Variants in KCNT2 observed in about 807,000 individuals in gnomAD.
KCNT2 encodes the protein potassium channel subfamily T member 2.
A neutral mutation model predicts 153.8 loss-of-function variants in KCNT2; 67 were observed. The observed-to-expected ratio is 0.44, with a 90% CI of 0.36 to 0.53. The LOEUF is 0.53. KCNT2 is among the 20% of genes least tolerant of loss of function. The probability of loss-of-function intolerance (pLI) is 0.00; values close to 1 mark genes in which losing one functional copy is unlikely to be tolerated. For missense variants in KCNT2, 975 were observed against 1,354.8 expected (o/e 0.72, Z 4.40); for synonymous variants, 500 against 458.8 (o/e 1.09, Z -1.15).
intron 1 of KCNT2, among the ~76,000 whole-genome samples, chr1:196,516,957 C>T (rs942614554): frequency 1.3e-5 from 2 of 152,174 alleles, no homozygotes; most frequent in African/African-American, 4.8e-5. Context: ...TGGGTGGGTC[C>T]TCCCAGCCTG....
At chr1:196,249,121 A>C (rs951582210) in intron 26 of KCNT2, among the ~76,000 whole-genome samples, 1 of 151,988 alleles carries the variant, frequency 6.6e-6, no homozygotes, top group Non-Finnish European at 1.5e-5. Context: ...TTAAAAAAAA[A>C]CTAAAAAAAT....
At chr1:196,520,640 G>A (rs1238865071) in intron 1 of KCNT2, among the ~76,000 whole-genome samples, 2 of 151,946 alleles carry the variant, frequency 1.3e-5, no homozygotes, top group Non-Finnish European at 2.9e-5. Context: ...CAGAAATAAT[G>A]GTGAACACCT....
intron 21 of KCNT2, among the ~76,000 whole-genome samples, chr1:196,307,125 T>C (rs1040137469): frequency 2.6e-5 from 4 of 152,120 alleles, no homozygotes; most frequent in African/African-American, 9.7e-5. Flanking sequence ...TCAATAGTTC[T>C]GTGACCTTAA....
At chr1:196,585,360 T>C (rs1355710366) in intron 1 of KCNT2, among the ~76,000 whole-genome samples, 1 of 152,122 alleles carries the variant, frequency 6.6e-6, no homozygotes, top group Non-Finnish European at 1.5e-5. Flanking sequence ...TAACTGGTAG[T>C]GAGTAAATAA....
intron 1 of KCNT2, among the ~76,000 whole-genome samples, chr1:196,511,917 G>A (rs535840153): frequency 1.3e-5 from 2 of 152,222 alleles, no homozygotes; most frequent in South Asian, 4.1e-4. Context: ...GTCAGCGGGT[G>A]GAGAGAGACA....
intron 23 of KCNT2, among the ~76,000 whole-genome samples, chr1:196,284,305 G>A (rs1659445775): frequency 9.5e-6 from 1 of 105,160 alleles, no homozygotes; most frequent in East Asian, 3.2e-4. Context: ...TTCTTCCGAA[G>A]TTTCAGAAAA....
intron 9 of KCNT2, among the ~76,000 whole-genome samples, chr1:196,428,488 A>G (rs542423359): frequency 2.1e-3 from 320 of 152,218 alleles, no homozygotes; most frequent in South Asian, 3.5e-3. Flanking sequence ...AAACATATTA[A>G]CATGATTTTG....
chr1:196,446,825 T>A (rs1197135314), intron 8 of KCNT2, among the ~76,000 whole-genome samples: 1 of 151,560 alleles, frequency 6.6e-6, no homozygotes, highest in Non-Finnish European at 1.5e-5. Context: ...CTATACTGTC[T>A]TTCCTAAGTG....
intron 13 of KCNT2, among the ~76,000 whole-genome samples, chr1:196,380,954 G>C (rs1054737171): frequency 2.0e-5 from 3 of 152,100 alleles, no homozygotes; most frequent in African/African-American, 7.2e-5. Flanking sequence ...AGATTGTGAG[G>C]CATTCAACCA....
At chr1:196,463,947 T>C (rs762421205) in intron 8 of KCNT2, among the ~76,000 whole-genome samples, 1 of 151,878 alleles carries the variant, frequency 6.6e-6, no homozygotes, top group Non-Finnish European at 1.5e-5. Context: ...CACTAACATC[T>C]CAATTATCCT....
chr1:196,240,435 G>T (rs1654846562), intron 26 of KCNT2, among the ~76,000 whole-genome samples: 1 of 151,860 alleles, frequency 6.6e-6, no homozygotes, highest in African/African-American at 2.4e-5. Flanking sequence ...TTGATTTATA[G>T]TTCTTGTACT....
chr1:196,381,723 G>A (rs1288820952), intron 13 of KCNT2, among the ~76,000 whole-genome samples: 1 of 152,108 alleles, frequency 6.6e-6, no homozygotes, highest in Non-Finnish European at 1.5e-5. Context: ...GCTACCAGAT[G>A]AACAAATGGC....
intron 1 of KCNT2, among the ~76,000 whole-genome samples, chr1:196,559,506 G>A (rs1231253176): frequency 6.6e-6 from 1 of 151,694 alleles, no homozygotes; most frequent in African/African-American, 2.4e-5. Flanking sequence ...TGGTCAAAGA[G>A]TAGAACATTT....
intron 13 of KCNT2, among the ~76,000 whole-genome samples, chr1:196,384,591 T>C (rs2994256): frequency 0.023 from 3,504 of 151,414 alleles, 54 homozygotes; most frequent in Non-Finnish European, 0.037. Flanking sequence ...TAATCCCAGC[T>C]ACTTGGGAGG....
At chr1:196,269,533 T>G (rs2147822301) in intron 25 of KCNT2, among the ~76,000 whole-genome samples, 1 of 152,130 alleles carries the variant, frequency 6.6e-6, no homozygotes, top group South Asian at 2.1e-4. Flanking sequence ...AGAAGAGAAA[T>G]TAGGAATTAA....
intron 1 of KCNT2, among the ~76,000 whole-genome samples, chr1:196,555,063 C>T (rs1183925116): frequency 6.6e-6 from 1 of 151,136 alleles, no homozygotes; most frequent in African/African-American, 2.4e-5. Context: ...GCAACCTTTC[C>T]TCTAAGGTTT....
At position 196,228,332 on chromosome 1, in the gene KCNT2, G is replaced by A; in HGVS notation, c.3300C>T (p.Tyr1100=). 1 of 1,569,678 alleles carries A rather than the reference G, an allele frequency of 6.4e-7. No homozygotes were observed. The highest frequency in any genetic ancestry group is 8.7e-7 in the Non-Finnish European group (1 of 1,144,116). The stretch of plus-strand genomic sequence containing the variant: ...AGGCCAGTGGATCTGGTCGAATTAA[G>A]TATCTAATAAAAGAAAACAAAATAA... ...DTRIELNDVV[Y]LIRPDPLAYL... Residue 1100 remains tyrosine, a synonymous_variant, in exon 28 of 28, where the codon TAC becomes TAT. Transcript: ENST00000294725.
chr1:196,587,657 G>C (rs1443439549), intron 1 of KCNT2, among the ~76,000 whole-genome samples: 1 of 151,820 alleles, frequency 6.6e-6, no homozygotes, highest in Non-Finnish European at 1.5e-5. Context: ...ATATTTTTAT[G>C]TAAGTACTCA....
chr1:196,579,102 C>G (rs1220578831), intron 1 of KCNT2, among the ~76,000 whole-genome samples: 1 of 152,078 alleles, frequency 6.6e-6, no homozygotes, highest in South Asian at 2.1e-4. Flanking sequence ...AGGGTTCACT[C>G]GTGGTACTGC....
Sources: gnomAD v4.1 joint callset for allele counts (sites outside exome capture counted in the v4.1 genomes callset) on GRCh38, gnomAD v4.1.1 for gene constraint, MANE v1.5 for transcripts, NCBI Gene and HGNC (gene_info 2026-07-23, HGNC 2026-07-21) for gene names.